KCNH7: variants seen among roughly 807,000 people sequenced by gnomAD.
KCNH7 encodes the protein voltage-gated inwardly rectifying potassium channel KCNH7.
Under a neutral mutation model 120.8 loss-of-function variants are expected in KCNH7, and 49 were observed. The observed-to-expected ratio is 0.41, with a 90% CI of 0.32 to 0.51. The LOEUF (loss-of-function observed/expected upper bound fraction) is 0.51. Ranked by LOEUF, KCNH7 falls within the 20% of genes least tolerant of loss-of-function variation. KCNH7 has a pLI of 0.38. For synonymous variants in KCNH7, 547 were observed against 516.1 expected (o/e 1.06, Z -0.81); for missense variants, 1,097 against 1,446.6 (o/e 0.76, Z 3.92).
At chr2:162,738,503 C>CAG (rs977495878) in intron 2 of KCNH7, among the ~76,000 whole-genome samples, 10 of 152,170 alleles carry the variant, frequency 6.6e-5, no homozygotes, top group African/African-American at 1.9e-4. Flanking sequence ...CAGAGGCTTT[C>CAG]AGACTCAGTC....
chr2:162,648,397 T>C (rs1195821937), intron 2 of KCNH7, among the ~76,000 whole-genome samples: 1 of 152,134 alleles, frequency 6.6e-6, no homozygotes, highest in African/African-American at 2.4e-5. Context: ...TTCAGTCACC[T>C]CCCACCAGGT....
chr2:162,493,392 T>C (rs1432643765), intron 6 of KCNH7, among the ~76,000 whole-genome samples: 2 of 152,242 alleles, frequency 1.3e-5, no homozygotes, highest in Non-Finnish European at 2.9e-5. Flanking sequence ...GCCTTTTAGT[T>C]CATGTGACTT....
intron 2 of KCNH7, among the ~76,000 whole-genome samples, chr2:162,808,491 A>G (rs1404745733): frequency 6.6e-6 from 1 of 152,194 alleles, no homozygotes; most frequent in East Asian, 1.9e-4. Flanking sequence ...TACATACTAT[A>G]TAGTCTGTTC....
intron 2 of KCNH7, among the ~76,000 whole-genome samples, chr2:162,603,886 T>G (rs1465872540): frequency 6.6e-6 from 1 of 152,142 alleles, no homozygotes; most frequent in Non-Finnish European, 1.5e-5. Context: ...TATAAAATAT[T>G]TGCAGTATTG....
chr2:162,745,459 G>A (rs2105419000), intron 2 of KCNH7, among the ~76,000 whole-genome samples: 1 of 152,134 alleles, frequency 6.6e-6, no homozygotes, highest in East Asian at 1.9e-4. Context: ...TCTAGGAAGT[G>A]ATGTAGGTTA....
chr2:162,792,621 G>A (rs1683989527), intron 2 of KCNH7, among the ~76,000 whole-genome samples: 1 of 151,486 alleles, frequency 6.6e-6, no homozygotes, highest in South Asian at 2.1e-4. Flanking sequence ...TAGGGTCAGT[G>A]GTAATGTCCC....
intron 7 of KCNH7, among the ~76,000 whole-genome samples, chr2:162,443,924 C>T (rs1303661214): frequency 6.6e-6 from 1 of 152,198 alleles, no homozygotes; most frequent in Non-Finnish European, 1.5e-5. Context: ...CAAACTTGTT[C>T]CCCAAATGCG....
intron 12 of KCNH7, among the ~76,000 whole-genome samples, chr2:162,390,239 G>T (rs1310087430): frequency 6.7e-6 from 1 of 149,016 alleles, no homozygotes; most frequent in Non-Finnish European, 1.5e-5. Context: ...GTGTATAATC[G>T]CATTATATAT....
intron 2 of KCNH7, among the ~76,000 whole-genome samples, chr2:162,559,518 A>G (rs1391290774): frequency 6.6e-6 from 1 of 152,224 alleles, no homozygotes; most frequent in African/African-American, 2.4e-5. Flanking sequence ...CTTAAAAGCA[A>G]GGGCTTCCTT....
chr2:162,380,146 T>C (rs1200737969), intron 13 of KCNH7, 125 bp from the exon 14 acceptor site: 1 of 1,135,108 alleles, frequency 8.8e-7, no homozygotes, highest in Non-Finnish European at 1.2e-6. Context: ...GAACCAAAAG[T>C]ATTCAGTGAT....
intron 2 of KCNH7, among the ~76,000 whole-genome samples, chr2:162,538,658 T>G (rs903270849): frequency 1.3e-5 from 2 of 152,056 alleles, no homozygotes; most frequent in African/African-American, 4.8e-5. Flanking sequence ...CTTCTTATCC[T>G]GCATCTTGGC....
intron 6 of KCNH7, among the ~76,000 whole-genome samples, chr2:162,486,274 C>T (rs961539771): frequency 6.6e-6 from 1 of 152,144 alleles, no homozygotes; most frequent in Admixed American, 6.5e-5. Context: ...AAGGAAGGCT[C>T]TCCATTTTCA....
chr2:162,747,022 G>T (rs1216907041), intron 2 of KCNH7, among the ~76,000 whole-genome samples: 1 of 152,216 alleles, frequency 6.6e-6, no homozygotes, highest in African/African-American at 2.4e-5. Flanking sequence ...AAGAAAAAAA[G>T]TATGAAAATT....
intron 2 of KCNH7, among the ~76,000 whole-genome samples, chr2:162,699,366 T>C (rs1469471616): frequency 6.6e-6 from 1 of 152,200 alleles, no homozygotes; most frequent in East Asian, 1.9e-4. Context: ...CCTTTTTTAA[T>C]GGCTGAATAG....
intron 6 of KCNH7, among the ~76,000 whole-genome samples, chr2:162,494,138 G>T (rs7585848): frequency 1.3e-5 from 2 of 152,010 alleles, no homozygotes; most frequent in African/African-American, 4.8e-5. Context: ...AAAAATTGGG[G>T]TTGATATTAA....
At chr2:162,503,720 C>T (rs768004438) in intron 6 of KCNH7, among the ~76,000 whole-genome samples, 1 of 151,936 alleles carries the variant, frequency 6.6e-6, no homozygotes, top group Non-Finnish European at 1.5e-5. Flanking sequence ...AGCAAATATA[C>T]CGAGTAAATT....
chr2:162,680,523 C>A (rs1017442400), intron 2 of KCNH7, among the ~76,000 whole-genome samples: 1 of 151,694 alleles, frequency 6.6e-6, no homozygotes, highest in Non-Finnish European at 1.5e-5. Flanking sequence ...CCCAGTCCAT[C>A]TACTCATCTA....
intron 6 of KCNH7, among the ~76,000 whole-genome samples, chr2:162,455,983 T>C (rs1474835352): frequency 1.3e-5 from 2 of 152,176 alleles, no homozygotes; most frequent in Admixed American, 6.6e-5. Context: ...TGCTAGCTTT[T>C]GAATTTGTTT....
Position 162,432,404 on chromosome 2 carries a change from C to G in KCNH7, c.1954+2794G>C, listed in dbSNP as rs142164541. ...TTATACAAATGCTACTAAAATAACA[C>G]TAAAAATATGAAAAGTACATTTTAT... On this transcript the variant is annotated intron_variant, in intron 8 of 15. Transcript: ENST00000332142. Among the ~76,000 whole-genome samples, 345 of 151,760 alleles carry G rather than the reference C, an allele frequency of 2.3e-3. 4 individuals are homozygous for G. Among genetic ancestry groups the G allele is most frequent in the African/African-American group, 8.1e-3 (337 of 41,408 alleles).
Sources: gnomAD v4.1 joint callset for allele counts (sites outside exome capture counted in the v4.1 genomes callset) on GRCh38, gnomAD v4.1.1 for gene constraint, MANE v1.5 for transcripts, NCBI Gene and HGNC (gene_info 2026-07-23, HGNC 2026-07-21) for gene names.